The following IGF2BP2 variants were observed in gnomAD, a reference collection of about 807,000 sequenced individuals.
IGF2BP2 encodes insulin like growth factor 2 mRNA binding protein 2.
A neutral mutation model predicts 75.8 loss-of-function variants in IGF2BP2; 17 were observed. The observed-to-expected ratio is 0.22, with a 90% CI of 0.15 to 0.34. The LOEUF (loss-of-function observed/expected upper bound fraction) is 0.34. Ranked by LOEUF, IGF2BP2 falls within the 10% of genes least tolerant of loss-of-function variation. The pLI, the probability that IGF2BP2 is intolerant of heterozygous loss-of-function variation, is 1.00. For missense variants in IGF2BP2, 516 were observed against 772.4 expected, an observed-to-expected ratio of 0.67 and a Z score of 3.93; for synonymous variants, 288 against 295.6, an observed-to-expected ratio of 0.97 and a Z score of 0.26.
At chr3:185,781,778 T>C (rs1735231829) in intron 2 of IGF2BP2, among the ~76,000 whole-genome samples, 1 of 152,004 alleles carries the variant, frequency 6.6e-6, no homozygotes, top group African/African-American at 2.4e-5. Flanking sequence ...ATAAGTTGTT[T>C]GTGTTTGTGT....
chr3:185,748,891 C>T (rs994988797), intron 2 of IGF2BP2, among the ~76,000 whole-genome samples: 2 of 152,224 alleles, frequency 1.3e-5, no homozygotes, highest in Non-Finnish European at 2.9e-5. Context: ...TGGCTGGACG[C>T]AGTGGCTCAT....
At chr3:185,755,555 G>A (rs1001627171) in intron 2 of IGF2BP2, among the ~76,000 whole-genome samples, 1 of 152,224 alleles carries the variant, frequency 6.6e-6, no homozygotes, top group Non-Finnish European at 1.5e-5. Context: ...CAGGTACTCA[G>A]CTCCAACCTA....
In IGF2BP2 at chr3:185,823,191, T is replaced by C; in HGVS notation, c.201A>G (p.Lys67=). ...TLSGKVELHG[K]IMEVDYSVSK... ...AGACTGAGTAATCAACTTCCATGAT[T>C]TTCCCATGCAATTCCACTTTACCTT... Residue 67 remains lysine, a synonymous_variant, in exon 2 of 16, where the codon AAA becomes AAG. Transcript: ENST00000382199. The C allele has an allele frequency of 1.2e-6, 2 of 1,610,450 alleles. No individual in the cohort carries two copies. Among genetic ancestry groups the C allele is most frequent in the Non-Finnish European group, 1.7e-6 (2 of 1,178,252 alleles).
chr3:185,720,789 C>A (rs182067126), intron 2 of IGF2BP2, among the ~76,000 whole-genome samples: 2 of 152,220 alleles, frequency 1.3e-5, no homozygotes, highest in Non-Finnish European at 2.9e-5. Flanking sequence ...AGGTCCAGAG[C>A]TGTTCTCCTT....
intron 2 of IGF2BP2, among the ~76,000 whole-genome samples, chr3:185,792,338 C>T (rs1433454814): frequency 1.3e-5 from 2 of 152,162 alleles, no homozygotes; most frequent in Admixed American, 1.3e-4. Flanking sequence ...GGCGGGGTGG[C>T]TCATGCCTAT....
At chr3:185,677,058 TATATATATATAGAG>T (rs1481886079) in intron 7 of IGF2BP2, among the ~76,000 whole-genome samples, 15 of 54,560 alleles carry the variant, frequency 2.7e-4, no homozygotes, top group Non-Finnish European at 4.5e-4. Flanking sequence ...TATATATATA[TATATATATATAGAG>T]AGAGAGAGAG....
At chr3:185,722,388 G>C (rs576596776) in intron 2 of IGF2BP2, 3 of 393,162 alleles carry the variant, frequency 7.6e-6, no homozygotes, top group African/African-American at 6.4e-5. Flanking sequence ...AACAAGAACT[G>C]AATCACGCTT....
intron 2 of IGF2BP2, among the ~76,000 whole-genome samples, chr3:185,806,436 AGCCTCAGTCTAC>A (rs1339226117): frequency 5.3e-5 from 8 of 152,312 alleles, no homozygotes; most frequent in Admixed American, 5.2e-4. Context: ...ATATTTTCTA[AGCCTCAGTCTAC>A]ACATTCGAAA....
At chr3:185,678,812 T>G (rs947239113) in intron 7 of IGF2BP2, among the ~76,000 whole-genome samples, 1 of 152,248 alleles carries the variant, frequency 6.6e-6, no homozygotes, top group African/African-American at 2.4e-5. Flanking sequence ...CTCTGAGGTT[T>G]GGTGTGTACA....
intron 2 of IGF2BP2, chr3:185,722,369 A>G (rs1726703800): frequency 2.4e-6 from 1 of 412,568 alleles, no homozygotes; most frequent in Non-Finnish European, 4.8e-6. Context: ...AAAGTAAGGA[A>G]GAAACTGCAA....
At chr3:185,756,228 C>T (rs1349375400) in intron 2 of IGF2BP2, among the ~76,000 whole-genome samples, 9 of 152,264 alleles carry the variant, frequency 5.9e-5, no homozygotes, top group South Asian at 4.1e-4. Context: ...CCATATGACA[C>T]GCCTGCTCTC....
intron 2 of IGF2BP2, among the ~76,000 whole-genome samples, chr3:185,730,319 T>C (rs1727972465): frequency 6.6e-6 from 1 of 152,254 alleles, no homozygotes; most frequent in Non-Finnish European, 1.5e-5. Context: ...TTCCGTGGTA[T>C]ATTTATACCA....
At chr3:185,668,326 T>C (rs1419601650) in intron 10 of IGF2BP2, among the ~76,000 whole-genome samples, 1 of 152,084 alleles carries the variant, frequency 6.6e-6, no homozygotes, top group Non-Finnish European at 1.5e-5. Context: ...TTCATTTGTA[T>C]TTTTGAATAA....
chr3:185,774,849 G>A (rs374613330), intron 2 of IGF2BP2, among the ~76,000 whole-genome samples: 6 of 151,684 alleles, frequency 4.0e-5, no homozygotes, highest in Admixed American at 6.6e-5. Flanking sequence ...ATGAAACCCC[G>A]TCTCTACTAA....
In IGF2BP2 at chr3:185,749,985, G is replaced by A. The variant is rs527643570; in HGVS notation, c.240-51638C>T. ...ACTGCAAGAATAGAAGCTCTTTGTA[G>A]GTAAGGACTATCTCCTAGCTCAGTT... On this transcript the variant is annotated intron_variant, in intron 2 of 15. Transcript: ENST00000382199. Among the ~76,000 whole-genome samples, 55 of 152,302 alleles carry A rather than the reference G, an allele frequency of 3.6e-4. No individual in the cohort carries two copies. In the Middle Eastern group the frequency reaches 0.01, roughly 28 times the overall value.
intron 2 of IGF2BP2, among the ~76,000 whole-genome samples, chr3:185,710,861 G>GA (rs1156504520): frequency 6.6e-6 from 1 of 150,978 alleles, no homozygotes; most frequent in African/African-American, 2.4e-5. Context: ...AGGGTAGCCA[G>GA]AAAAATAGCT....
At chr3:185,676,930 GGA>G (rs60361363) in intron 7 of IGF2BP2, among the ~76,000 whole-genome samples, 3,837 of 139,524 alleles carry the variant, frequency 0.028, 178 homozygotes, top group African/African-American at 0.091. Flanking sequence ...TATATTTACT[GGA>G]GAGAGAGACA....
At chr3:185,744,794 G>C (rs1421962450) in intron 2 of IGF2BP2, among the ~76,000 whole-genome samples, 1 of 152,194 alleles carries the variant, frequency 6.6e-6, no homozygotes, top group Non-Finnish European at 1.5e-5. Context: ...GGGAGACAGA[G>C]TGAGACTCTT....
intron 2 of IGF2BP2, among the ~76,000 whole-genome samples, chr3:185,782,210 A>G (rs1735301687): frequency 6.6e-6 from 1 of 152,172 alleles, no homozygotes; most frequent in African/African-American, 2.4e-5. Context: ...TGTGCCAGGA[A>G]CTTAATGTGC....
Sources: gnomAD v4.1 joint callset for allele counts (sites outside exome capture counted in the v4.1 genomes callset) on GRCh38, gnomAD v4.1.1 for gene constraint, MANE v1.5 for transcripts, NCBI Gene and HGNC (gene_info 2026-07-23, HGNC 2026-07-21) for gene names.